The following TPST2 variants were observed in gnomAD, a reference collection of about 807,000 sequenced individuals.
TPST2 encodes tyrosylprotein sulfotransferase 2.
In TPST2, 16 loss-of-function variants were observed where a neutral mutation model predicts 27.8. That is an observed-to-expected ratio of 0.58 (90% CI 0.39 to 0.88). The LOEUF (loss-of-function observed/expected upper bound fraction) is 0.88, where lower values mean the gene tolerates loss of function less well. Among genes scored for constraint, TPST2 ranks in the 40% least tolerant of loss-of-function variants. The pLI, the probability that TPST2 is intolerant of heterozygous loss-of-function variation, is 0.00. For synonymous variants in TPST2, 229 were observed against 231.7 expected, an observed-to-expected ratio of 0.99 and a Z score of 0.10; for missense variants, 464 against 543.1, an observed-to-expected ratio of 0.85 and a Z score of 1.45.
chr22:26,527,982 G>A (rs1483407204), intron 6 of TPST2, among the ~76,000 whole-genome samples: 1 of 152,140 alleles, frequency 6.6e-6, no homozygotes, highest in African/African-American at 2.4e-5. Context: ...TTGGTTCAGC[G>A]TTAATCCCTC....
chr22:26,525,450 GCGATCTGC>G lies in TPST2; in HGVS notation c.*817_*824del, dbSNP rs1418412027. ...GCTGGTCTCGAACTCCTGACCTCAG[GCGATCTGC>G]CTGCCTTGGCCTCCCAAAGTGCTGG... On this transcript the variant is annotated 3_prime_UTR_variant, in exon 7 of 7. Coordinates refer to ENST00000338754, the MANE Select transcript of TPST2 (RefSeq NM_003595.5). 6.6e-6 allele frequency: 1 copy of G among 152,194 alleles called. No homozygotes were observed. Among genetic ancestry groups the G allele is most frequent in the Non-Finnish European group, 1.5e-5 (1 of 68,056 alleles). The allele number at this position is 152,194 out of a possible 1,614,324, so 9.4% of individuals were successfully genotyped here. A position where few individuals can be genotyped will look rare whatever the true frequency, so the allele number is the denominator to read the frequency against.
intron 1 of TPST2, among the ~76,000 whole-genome samples, chr22:26,588,769 TA>T (rs1181803455): frequency 6.6e-6 from 1 of 151,988 alleles, no homozygotes; most frequent in Non-Finnish European, 1.5e-5. Flanking sequence ...GCCACATCAC[TA>T]CTAAATCCGG....
intron 1 of TPST2, among the ~76,000 whole-genome samples, chr22:26,552,679 G>A (rs979847255): frequency 2.0e-5 from 3 of 152,146 alleles, no homozygotes; most frequent in African/African-American, 2.4e-5. Flanking sequence ...AAGTGGCTGC[G>A]TTTCCATAAG....
At chr22:26,554,438 C>T (rs1282155888) in intron 1 of TPST2, among the ~76,000 whole-genome samples, 2 of 152,154 alleles carry the variant, frequency 1.3e-5, no homozygotes, top group African/African-American at 4.8e-5. Flanking sequence ...TGAGCCCTCA[C>T]CCCCACCCAC....
chr22:26,588,310 G>A (rs150487847), intron 1 of TPST2, among the ~76,000 whole-genome samples: 1 of 152,238 alleles, frequency 6.6e-6, no homozygotes, highest in Non-Finnish European at 1.5e-5. Context: ...GTATATGACT[G>A]CATTTATATG....
chr22:26,586,456 T>C (rs954740451), intron 1 of TPST2, among the ~76,000 whole-genome samples: 3 of 152,020 alleles, frequency 2.0e-5, no homozygotes, highest in African/African-American at 7.3e-5. Flanking sequence ...CACTATGTTA[T>C]TCAGGCTGGT....
chr22:26,552,150 T>G (rs1299099074), intron 1 of TPST2, among the ~76,000 whole-genome samples: 1 of 152,174 alleles, frequency 6.6e-6, no homozygotes, highest in East Asian at 1.9e-4. Flanking sequence ...AGTGCTGGGA[T>G]TGCAGGCATG....
chr22:26,557,792 A>C (rs1488844256), intron 1 of TPST2, among the ~76,000 whole-genome samples: 1 of 150,940 alleles, frequency 6.6e-6, no homozygotes, highest in East Asian at 1.9e-4. Flanking sequence ...CATGTCTGTA[A>C]TCTCAGCACT....
chr22:26,550,824 T>C (rs1165293057), intron 1 of TPST2, among the ~76,000 whole-genome samples: 1 of 152,160 alleles, frequency 6.6e-6, no homozygotes. Flanking sequence ...CTCTGACCTA[T>C]TGCGGGGGGA....
intron 1 of TPST2, chr22:26,555,222 CGTTCTAGTAGGCTG>C (rs756431448): frequency 2.1e-5 from 11 of 533,352 alleles, no homozygotes; most frequent in Non-Finnish European, 3.8e-5. Context: ...CTGAACTCAG[CGTTCTAGTAGGCTG>C]GTGCAAAAGT....
At chr22:26,574,319 TG>T (rs1927746295) in intron 1 of TPST2, among the ~76,000 whole-genome samples, 1 of 152,232 alleles carries the variant, frequency 6.6e-6, no homozygotes, top group South Asian at 2.1e-4. Context: ...ATCATTATTA[TG>T]ATCCCTGTTG....
intron 1 of TPST2, among the ~76,000 whole-genome samples, chr22:26,562,393 T>C (rs986160128): frequency 3.9e-5 from 6 of 152,168 alleles, no homozygotes; most frequent in Non-Finnish European, 4.4e-5. Context: ...GTGTGTAACT[T>C]CACTAAACCC....
At chr22:26,572,222 G>T (rs1297590093) in intron 1 of TPST2, among the ~76,000 whole-genome samples, 2 of 152,148 alleles carry the variant, frequency 1.3e-5, no homozygotes, top group African/African-American at 4.8e-5. Flanking sequence ...TTCAAAGATG[G>T]ACGTTTGACC....
At chr22:26,571,090 G>C (rs1175275420) in intron 1 of TPST2, among the ~76,000 whole-genome samples, 1 of 152,134 alleles carries the variant, frequency 6.6e-6, no homozygotes, top group African/African-American at 2.4e-5. Context: ...TCCTCCCATG[G>C]CTCCCACTTT....
chr22:26,585,968 G>A (rs144624422), intron 1 of TPST2, among the ~76,000 whole-genome samples: 3 of 152,016 alleles, frequency 2.0e-5, no homozygotes, highest in African/African-American at 2.4e-5. Flanking sequence ...GCGTGAACCC[G>A]GGAGGTAGAG....
intron 1 of TPST2, among the ~76,000 whole-genome samples, chr22:26,552,307 T>C (rs1926525555): frequency 1.3e-5 from 2 of 152,150 alleles, no homozygotes; most frequent in Non-Finnish European, 2.9e-5. Flanking sequence ...TTCGTTGTCA[T>C]TTAGAGTCAA....
chr22:26,540,581 A>G (rs879863559), intron 3 of TPST2, among the ~76,000 whole-genome samples: 16 of 152,222 alleles, frequency 1.1e-4, no homozygotes, highest in Admixed American at 9.2e-4. Flanking sequence ...CTCAAAAAAC[A>G]AACAAACAGC....
Position 26,541,164 on chromosome 22 carries a change from C to A in TPST2, c.467G>T (p.Cys156Phe). Residue 156 changes from cysteine (C) to phenylalanine (F), a missense_variant, in exon 3 of 7, where the codon TGC becomes TTC. Transcript: ENST00000338754. This position sits in a 1 kb window ranked among gnomAD's most constrained non-coding sequence, Gnocchi z 5.9. ...AKHGEPARVL[C>F]NKDPFTLKSS... ...CTTGAGCGTAAATGGGTCCTTGTTG[C>A]AGAGCACGCGGGCCGGCTCTCCGTG... The A allele has an allele frequency of 6.2e-7, 1 of 1,604,034 alleles. No individual in the cohort carries two copies. Among genetic ancestry groups the A allele is most frequent in the Non-Finnish European group, 8.5e-7 (1 of 1,173,698 alleles).
At chr22:26,587,816 G>C (rs1217992153) in intron 1 of TPST2, among the ~76,000 whole-genome samples, 1 of 152,160 alleles carries the variant, frequency 6.6e-6, no homozygotes, top group Non-Finnish European at 1.5e-5. Flanking sequence ...GTTAAACCTG[G>C]GTGCAGTGGC....
Sources: allele counts gnomAD v4.1 joint callset (sites outside exome capture counted in the v4.1 genomes callset), GRCh38; gene constraint gnomAD v4.1.1; non-coding constraint Gnocchi (gnomAD v3.1); transcripts MANE v1.5; gene names NCBI Gene and HGNC (gene_info 2026-07-23, HGNC 2026-07-21).